CDH12: variants seen among roughly 807,000 people sequenced by gnomAD.
CDH12 encodes the protein cadherin-12.
A neutral mutation model predicts 74.1 loss-of-function variants in CDH12; 41 were observed. The ratio of observed to expected loss-of-function variants is 0.55; its 90% CI spans 0.43 to 0.72. The LOEUF is 0.72. Ranked by LOEUF, CDH12 falls within the 30% of genes least tolerant of loss-of-function variation. The pLI, the probability that CDH12 is intolerant of heterozygous loss-of-function variation, is 0.00. For synonymous variants in CDH12, 399 were observed against 355.0 expected (o/e 1.12, Z -1.39); for missense variants, 945 against 977.2 (o/e 0.97, Z 0.44).
intron 1 of CDH12, among the ~76,000 whole-genome samples, chr5:22,604,541 T>C (rs1311328674): frequency 6.6e-6 from 1 of 152,188 alleles, no homozygotes; most frequent in Non-Finnish European, 1.5e-5. Flanking sequence ...TCCCCTCCCT[T>C]AAAGTCTTAA....
chr5:21,802,856 G>T, intron 9 of CDH12, among the ~76,000 whole-genome samples: 1 of 151,922 alleles, frequency 6.6e-6, no homozygotes. Context: ...CCTCCCAAAG[G>T]ACTGGGATTA....
intron 1 of CDH12, among the ~76,000 whole-genome samples, chr5:22,813,400 AG>A (rs1294120394): frequency 6.6e-6 from 1 of 152,052 alleles, no homozygotes; most frequent in Non-Finnish European, 1.5e-5. Context: ...TGCTATGAAA[AG>A]TTTTTCTTTC....
chr5:22,739,200 C>T (rs566228877), intron 1 of CDH12, among the ~76,000 whole-genome samples: 1 of 151,922 alleles, frequency 6.6e-6, no homozygotes, highest in African/African-American at 2.4e-5. Flanking sequence ...TCATAAAAGA[C>T]ATACATTCAA....
chr5:22,258,205 T>C (rs1245197642), intron 3 of CDH12, among the ~76,000 whole-genome samples: 2 of 152,082 alleles, frequency 1.3e-5, no homozygotes, highest in Non-Finnish European at 2.9e-5. Flanking sequence ...ATTTTTAGAA[T>C]GAAAAACAAA....
chr5:22,796,813 C>T (rs1292811472), intron 1 of CDH12, among the ~76,000 whole-genome samples: 1 of 101,636 alleles, frequency 9.8e-6, no homozygotes, highest in African/African-American at 5.1e-5. Flanking sequence ...AGCCACCGCG[C>T]CCGGCCCAGA....
intron 6 of CDH12, among the ~76,000 whole-genome samples, chr5:21,927,798 G>T (rs910642913): frequency 6.6e-6 from 1 of 151,904 alleles, no homozygotes; most frequent in African/African-American, 2.4e-5. Context: ...GGCCTGGTGC[G>T]GTGGCTCACG....
chr5:22,035,544 A>G (rs916793909), intron 5 of CDH12, among the ~76,000 whole-genome samples: 2 of 152,138 alleles, frequency 1.3e-5, no homozygotes, highest in Non-Finnish European at 2.9e-5. Context: ...CAAATATAAT[A>G]GGTTGAAAAT....
chr5:22,346,727 G>A (rs1045139013), intron 3 of CDH12, among the ~76,000 whole-genome samples: 2 of 152,128 alleles, frequency 1.3e-5, no homozygotes, highest in Non-Finnish European at 2.9e-5. Flanking sequence ...GAGGTTGATT[G>A]CCCACTACGA....
At chr5:22,184,796 C>T (rs1254089607) in intron 4 of CDH12, among the ~76,000 whole-genome samples, 1 of 152,134 alleles carries the variant, frequency 6.6e-6, no homozygotes, top group Non-Finnish European at 1.5e-5. Flanking sequence ...CTTCATTTCT[C>T]CATGTGGAAA....
chr5:22,045,523 A>T (rs1739881350), intron 5 of CDH12, among the ~76,000 whole-genome samples: 1 of 151,940 alleles, frequency 6.6e-6, no homozygotes, highest in Non-Finnish European at 1.5e-5. Flanking sequence ...TAGCCAAGAT[A>T]TCTAATCAAC....
At chr5:21,845,395 G>A (rs28503667) in intron 7 of CDH12, among the ~76,000 whole-genome samples, 2,870 of 152,180 alleles carry the variant, frequency 0.019, 74 homozygotes, top group African/African-American at 0.065. Context: ...AAGAAGCCAT[G>A]TGAAGTGCAC....
intron 4 of CDH12, among the ~76,000 whole-genome samples, chr5:22,159,211 G>C (rs1458695804): frequency 6.6e-6 from 1 of 152,084 alleles, no homozygotes; most frequent in Non-Finnish European, 1.5e-5. Context: ...GGACAAAAGA[G>C]AGACAGGACA....
intron 4 of CDH12, among the ~76,000 whole-genome samples, chr5:22,153,913 T>TACACACAC (rs71609744): frequency 7.7e-6 from 1 of 130,334 alleles, no homozygotes; most frequent in Non-Finnish European, 1.6e-5. Context: ...TACACACACA[T>TACACACAC]ACACACACAC....
chr5:22,705,850 G>A (rs1742981182), intron 1 of CDH12, among the ~76,000 whole-genome samples: 1 of 151,792 alleles, frequency 6.6e-6, no homozygotes, highest in Admixed American at 6.6e-5. Context: ...GATTTCTTCA[G>A]CATTTTTTTC....
chr5:22,668,237 T>C (rs954388041), intron 1 of CDH12, among the ~76,000 whole-genome samples: 1 of 152,124 alleles, frequency 6.6e-6, no homozygotes, highest in Non-Finnish European at 1.5e-5. Flanking sequence ...AAAAATCTCA[T>C]TGAAGAAACA....
intron 11 of CDH12, among the ~76,000 whole-genome samples, chr5:21,783,024 C>T (rs1745997847): frequency 6.6e-6 from 1 of 151,942 alleles, no homozygotes; most frequent in African/African-American, 2.4e-5. Context: ...CTCACCTGGC[C>T]CTGTGAAATA....
At position 22,078,536 on chromosome 5, in the gene CDH12, T is replaced by C; in HGVS notation, c.141A>G (p.Ser47=). Residue 47 remains serine, a synonymous_variant, in exon 5 of 15, where the codon TCA becomes TCG. Coordinates refer to ENST00000382254, the MANE Select transcript of CDH12 (RefSeq NM_004061.5). The part of the protein sequence containing the change: ...ENVIHLPGQR[S]HFQRVKRGWV... Reference sequence around the variant, plus strand: ...AGCCACGTTTAACACGTTGGAAATGTGACCGTTGTCCTGGCAGATGGATAA... The same window carrying C: ...AGCCACGTTTAACACGTTGGAAATGCGACCGTTGTCCTGGCAGATGGATAA... 5 of 1,614,006 alleles carry C rather than the reference T, an allele frequency of 3.1e-6. No individual in the cohort carries two copies. Among genetic ancestry groups the C allele is most frequent in the Non-Finnish European group, 3.4e-6 (4 of 1,179,868 alleles).
chr5:22,327,131 G>A (rs1252482167), intron 3 of CDH12, among the ~76,000 whole-genome samples: 1 of 151,908 alleles, frequency 6.6e-6, no homozygotes, highest in African/African-American at 2.4e-5. Flanking sequence ...TCTGCTTGAC[G>A]AGACATTTAA....
At chr5:22,256,743 G>A (rs1753331966) in intron 3 of CDH12, among the ~76,000 whole-genome samples, 1 of 152,082 alleles carries the variant, frequency 6.6e-6, no homozygotes, top group Non-Finnish European at 1.5e-5. Context: ...CAAGGCTAAT[G>A]TGTGTGTTTG....
Sources: gnomAD v4.1 joint callset for allele counts (sites outside exome capture counted in the v4.1 genomes callset) on GRCh38, gnomAD v4.1.1 for gene constraint, MANE v1.5 for transcripts, NCBI Gene and HGNC (gene_info 2026-07-23, HGNC 2026-07-21) for gene names.